Variants in NEK10 observed in about 807,000 individuals in gnomAD.
The protein encoded by NEK10 is serine/threonine-protein kinase Nek10.
In NEK10, 122 loss-of-function variants were observed where a neutral mutation model predicts 159.8. The ratio of observed to expected loss-of-function variants is 0.76; its 90% CI spans 0.66 to 0.89. The LOEUF (loss-of-function observed/expected upper bound fraction) is 0.89, where lower values mean the gene tolerates loss of function less well. Among genes scored for constraint, NEK10 ranks in the 40% least tolerant of loss-of-function variants. NEK10 has a pLI of 0.00. For missense variants in NEK10, 1,342 were observed against 1,323.1 expected (o/e 1.01, Z -0.22); for synonymous variants, 466 against 457.1 (o/e 1.02, Z -0.25).
At chr3:27,214,373 C>A (rs11715136) in intron 23 of NEK10, among the ~76,000 whole-genome samples, 2 of 151,920 alleles carry the variant, frequency 1.3e-5, no homozygotes, top group Non-Finnish European at 2.9e-5. Flanking sequence ...TGGCTTTTTT[C>A]ATCAATAATT....
intron 22 of NEK10, among the ~76,000 whole-genome samples, chr3:27,283,188 T>C (rs2042330440): frequency 6.6e-6 from 1 of 152,094 alleles, no homozygotes; most frequent in South Asian, 2.1e-4. Flanking sequence ...ATTGCCTTCA[T>C]GGGTACTGAA....
chr3:27,361,380 A>G (rs1249694861), intron 1 of NEK10, among the ~76,000 whole-genome samples: 2 of 152,228 alleles, frequency 1.3e-5, no homozygotes, highest in Admixed American at 6.5e-5. Context: ...AAGCAGCAAT[A>G]TTGAAAAGAG....
At chr3:27,149,556 T>C (rs567618940) in intron 30 of NEK10, among the ~76,000 whole-genome samples, 3 of 152,160 alleles carry the variant, frequency 2.0e-5, no homozygotes, top group South Asian at 2.1e-4. Flanking sequence ...CATGTCACTA[T>C]TGTAATTGTT....
At chr3:27,158,255 T>C (rs1305592297) in intron 30 of NEK10, among the ~76,000 whole-genome samples, 1 of 152,170 alleles carries the variant, frequency 6.6e-6, no homozygotes, top group Non-Finnish European at 1.5e-5. Flanking sequence ...TAGTATAGAC[T>C]AGTATCATAG....
Position 27,201,506 on chromosome 3 carries a change from T to C in NEK10, c.2291+4A>G. 1 of 1,613,396 alleles carries C rather than the reference T, an allele frequency of 6.2e-7. No homozygotes were observed. The stretch of plus-strand genomic sequence containing the variant: ...TACATGTCTGAAGCCGCAAGACTAA[T>C]TACCTGCTGATGGTGTCTGTTACTT... On this transcript the variant is annotated splice_donor_region_variant and intron_variant, in intron 25 of 35. Coordinates refer to ENST00000691995, the MANE Select transcript of NEK10 (RefSeq NM_001394966.1).
chr3:27,275,513 G>T (rs1243791899), intron 22 of NEK10, among the ~76,000 whole-genome samples: 1 of 152,124 alleles, frequency 6.6e-6, no homozygotes, highest in Non-Finnish European at 1.5e-5. Flanking sequence ...ATATTCTGTA[G>T]TCTTTTAAGA....
intron 14 of NEK10, 26 bp downstream of exon 14, chr3:27,297,139 ATGGTTATGGAGACC>A: frequency 7.2e-7 from 1 of 1,385,696 alleles, no homozygotes; most frequent in Non-Finnish European, 1.0e-6. Flanking sequence ...TTGATTATGA[ATGGTTATGGAGACC>A]TGACCTTGAG....
chr3:27,303,570 A>G (rs1478430224), intron 12 of NEK10, among the ~76,000 whole-genome samples: 1 of 152,226 alleles, frequency 6.6e-6, no homozygotes, highest in African/African-American at 2.4e-5. Context: ...AATTTATACT[A>G]TAAAGTAATT....
In NEK10 at chr3:27,115,996, C is replaced by A; in HGVS notation, c.3244-1G>T. On this transcript the variant is annotated splice_acceptor_variant, in intron 34 of 35. Transcript: ENST00000691995. LOFTEE classifies it high-confidence loss of function. ...CCTCAAGGACTTCTTCAATCACAGT[C>A]TAAAATTTTAAAAATCAGGTTAGTA... The A allele has an allele frequency of 6.2e-7, 1 of 1,613,034 alleles. No homozygotes were observed. Among genetic ancestry groups the A allele is most frequent in the Non-Finnish European group, 8.5e-7 (1 of 1,179,356 alleles).
At chr3:27,209,709 T>G (rs922452501) in intron 23 of NEK10, among the ~76,000 whole-genome samples, 1 of 152,220 alleles carries the variant, frequency 6.6e-6, no homozygotes, top group Non-Finnish European at 1.5e-5. Context: ...GACTGGTTTC[T>G]AGATGCCAAA....
At chr3:27,255,773 A>G (rs1298344196) in intron 23 of NEK10, among the ~76,000 whole-genome samples, 1 of 152,216 alleles carries the variant, frequency 6.6e-6, no homozygotes, top group Admixed American at 6.5e-5. Context: ...CTTTGTAAAC[A>G]TATGTCTAAG....
intron 26 of NEK10, among the ~76,000 whole-genome samples, chr3:27,181,753 G>A (rs936806758): frequency 8.6e-5 from 13 of 152,014 alleles, no homozygotes; most frequent in Non-Finnish European, 1.5e-4. Flanking sequence ...TATGAAGGAG[G>A]GAGTCTGTGG....
At chr3:27,143,479 A>C (rs1168462444) in intron 30 of NEK10, 1 of 760,976 alleles carries the variant, frequency 1.3e-6, no homozygotes, top group Non-Finnish European at 2.4e-6. Flanking sequence ...GTGGCCCTAA[A>C]TACAAAAACA....
intron 30 of NEK10, among the ~76,000 whole-genome samples, chr3:27,151,285 C>T (rs6786728): frequency 0.097 from 14,787 of 152,120 alleles, 2,365 homozygotes; most frequent in African/African-American, 0.34. Context: ...AGAACAGGCA[C>T]TGGCACCCAC....
At chr3:27,230,516 T>C (rs62256312) in intron 23 of NEK10, among the ~76,000 whole-genome samples, 35,532 of 151,774 alleles carry the variant, frequency 0.23, 4,503 homozygotes, top group Middle Eastern at 0.38. Context: ...GTACCTCACA[T>C]CTCAGTATTA....
chr3:27,197,168 T>TA (rs1559592288), intron 25 of NEK10, among the ~76,000 whole-genome samples: 3 of 152,078 alleles, frequency 2.0e-5, no homozygotes, highest in Non-Finnish European at 4.4e-5. Context: ...TCTTTTTTTT[T>TA]ATTTTTATTT....
At chr3:27,203,382 T>C (rs1950212656) in intron 23 of NEK10, among the ~76,000 whole-genome samples, 1 of 152,216 alleles carries the variant, frequency 6.6e-6, no homozygotes, top group African/African-American at 2.4e-5. Flanking sequence ...ATATCTACCA[T>C]GTTCACTGCT....
At chr3:27,351,015 T>G (rs771919360) in intron 3 of NEK10, among the ~76,000 whole-genome samples, 1 of 151,946 alleles carries the variant, frequency 6.6e-6, no homozygotes, top group Non-Finnish European at 1.5e-5. Context: ...AAATACAAGA[T>G]CTTGTCAGGA....
At position 27,119,831 on chromosome 3, in the gene NEK10, A is replaced by G. The variant is rs371561617; in HGVS notation, c.3119T>C (p.Phe1040Ser). 8.7e-6 allele frequency: 14 copies of G among 1,613,896 alleles called. No homozygotes were observed. Among genetic ancestry groups the G allele is most frequent in the Admixed American group, 1.7e-5 (1 of 59,988 alleles). ...QGSPEPIEPN[F>S]FTADYHLLHR... ...TAATAAATGGTAATCTGCTGTGAAA[A>G]AGTTGGGCTCAATCGGTTCTGGAGA... Residue 1040 changes from phenylalanine (F) to serine (S), a missense_variant, in exon 33 of 36, where the codon TTT becomes TCT. Transcript: ENST00000691995.
Sources: gnomAD v4.1 joint callset for allele counts (sites outside exome capture counted in the v4.1 genomes callset) on GRCh38, gnomAD v4.1.1 for gene constraint, MANE v1.5 for transcripts, NCBI Gene and HGNC (gene_info 2026-07-23, HGNC 2026-07-21) for gene names.